The following CNTNAP3B variants were observed in gnomAD, a reference collection of about 807,000 sequenced individuals.
CNTNAP3B encodes the protein contactin associated protein family member 3B.
A neutral mutation model predicts 108.9 loss-of-function variants in CNTNAP3B; 25 were observed. That is an observed-to-expected ratio of 0.23 (90% CI 0.17 to 0.32). The LOEUF is 0.32. Ranked by LOEUF, CNTNAP3B falls within the 10% of genes least tolerant of loss-of-function variation. CNTNAP3B has a pLI of 1.00. For missense variants in CNTNAP3B, 252 were observed against 1,210.4 expected, an observed-to-expected ratio of 0.21 and a Z score of 11.75; for synonymous variants, 103 against 473.4, an observed-to-expected ratio of 0.22 and a Z score of 10.16.
intron 13 of CNTNAP3B, among the ~76,000 whole-genome samples, chr9:41,947,691 T>G (rs1234839541): frequency 1.4e-3 from 213 of 151,892 alleles, no homozygotes; most frequent in Middle Eastern, 6.8e-3. Flanking sequence ...GAAGAGCAGA[T>G]TTCAATAGAA....
rs867248715 is a variant in CNTNAP3B at position 41,984,023 on chromosome 9, C to G, written c.1477+2145G>C. On this transcript the variant is annotated intron_variant, in intron 9 of 23. Transcript: ENST00000377561. ...CCGAGATCGCGCCACTGCACTCCAG[C>G]CTGGGGGACACAGCGAGACTCCGCC... Among the ~76,000 whole-genome samples the G allele has an allele frequency of 9.5e-5, 9 of 94,302 alleles. 2 individuals carry two copies. Among genetic ancestry groups the G allele is most frequent in the South Asian group, 3.2e-4 (1 of 3,092 alleles). 61.9% of individuals were successfully genotyped at this position (94,302 alleles called of 152,430 possible). A position where few individuals can be genotyped will look rare whatever the true frequency, so the allele number is the denominator to read the frequency against.
intron 18 of CNTNAP3B, among the ~76,000 whole-genome samples, chr9:41,914,458 G>A (rs1823476075): frequency 6.6e-6 from 1 of 151,852 alleles, no homozygotes. Context: ...CACATTCTGT[G>A]GATTGTCTTT....
chr9:41,953,952 ATC>A (rs1281387757), intron 12 of CNTNAP3B, among the ~76,000 whole-genome samples: 1 of 149,786 alleles, frequency 6.7e-6, no homozygotes, highest in African/African-American at 2.5e-5. Flanking sequence ...GACCCTGAGC[ATC>A]TGACTGCCTG....
At chr9:41,955,766 T>C (rs1158869253) in intron 12 of CNTNAP3B, among the ~76,000 whole-genome samples, 1 of 152,312 alleles carries the variant, frequency 6.6e-6, no homozygotes, top group Admixed American at 6.5e-5. Context: ...CGTTGATCCC[T>C]GTTCCACTCC....
intron 2 of CNTNAP3B, among the ~76,000 whole-genome samples, chr9:42,103,270 AAAAT>A (rs1421810140): frequency 2.7e-5 from 4 of 148,656 alleles, no homozygotes; most frequent in African/African-American, 1.0e-4. Context: ...AGACTTAAGA[AAAAT>A]AAACAGAAAA....
chr9:42,124,518 A>G (rs1327433976), intron 1 of CNTNAP3B, among the ~76,000 whole-genome samples: 2 of 132,138 alleles, frequency 1.5e-5, no homozygotes, highest in Non-Finnish European at 3.2e-5. Context: ...TATTTTTTCT[A>G]CAGTGACAGA....
At chr9:41,938,805 A>G (rs1469657385) in intron 13 of CNTNAP3B, among the ~76,000 whole-genome samples, 1 of 152,420 alleles carries the variant, frequency 6.6e-6, no homozygotes, top group East Asian at 1.9e-4. Flanking sequence ...ACATTGATTT[A>G]TCTCATCCCA....
At chr9:41,928,514 C>T (rs1372165295) in intron 15 of CNTNAP3B, among the ~76,000 whole-genome samples, 1 of 152,148 alleles carries the variant, frequency 6.6e-6, no homozygotes, top group Non-Finnish European at 1.5e-5. Flanking sequence ...CGATTGGCTA[C>T]AGAAACTGCT....
intron 2 of CNTNAP3B, among the ~76,000 whole-genome samples, chr9:42,095,624 T>C (rs956757949): frequency 7.2e-6 from 1 of 137,936 alleles, no homozygotes; most frequent in Non-Finnish European, 1.5e-5. Flanking sequence ...AAATGTAACT[T>C]CATTTCTCCA....
chr9:41,994,052 T>C (rs1248913594), intron 7 of CNTNAP3B: 1 of 139,112 alleles, frequency 7.2e-6, no homozygotes, highest in Non-Finnish European at 1.5e-5. Context: ...CCATCAGTAA[T>C]TCAGAATAAC....
chr9:41,937,216 C>A (rs1344813514), intron 14 of CNTNAP3B, among the ~76,000 whole-genome samples: 2 of 149,906 alleles, frequency 1.3e-5, no homozygotes, highest in South Asian at 2.1e-4. Flanking sequence ...CAACCTCTAC[C>A]TCCTGGGTTA....
At chr9:41,925,625 C>T (rs1823797318) in intron 15 of CNTNAP3B, among the ~76,000 whole-genome samples, 3 of 152,288 alleles carry the variant, frequency 2.0e-5, no homozygotes, top group African/African-American at 7.2e-5. Context: ...CAAGAAATAG[C>T]TTTTCTCTTG....
chr9:42,109,884 T>C (rs1237488486), intron 1 of CNTNAP3B, among the ~76,000 whole-genome samples: 2 of 136,560 alleles, frequency 1.5e-5, no homozygotes, highest in East Asian at 4.5e-4. Flanking sequence ...ATAAAGGTGA[T>C]GATGAACAGA....
intron 9 of CNTNAP3B, among the ~76,000 whole-genome samples, chr9:41,977,919 C>T (rs565143155): frequency 7.0e-6 from 1 of 142,966 alleles, no homozygotes; most frequent in Admixed American, 7.0e-5. Flanking sequence ...GCGTGAGCCA[C>T]TGTGCCTGGC....
intron 3 of CNTNAP3B, among the ~76,000 whole-genome samples, chr9:42,070,836 C>T (rs1242219363): frequency 1.3e-5 from 2 of 151,976 alleles, no homozygotes; most frequent in Non-Finnish European, 2.9e-5. Context: ...CAAATACACA[C>T]AGGCCATGGG....
At chr9:42,031,200 A>G (rs1193995353) in intron 3 of CNTNAP3B, among the ~76,000 whole-genome samples, 1 of 100,800 alleles carries the variant, frequency 9.9e-6, no homozygotes, top group Non-Finnish European at 2.0e-5. Flanking sequence ...AATCACCTCT[A>G]TAAACTGCCT....
intron 2 of CNTNAP3B, among the ~76,000 whole-genome samples, chr9:42,087,159 T>C: frequency 7.1e-6 from 1 of 141,712 alleles, no homozygotes; most frequent in Non-Finnish European, 1.5e-5. Context: ...ATTAACCTTG[T>C]ATCCTGTTAA....
At chr9:41,954,515 C>T (rs1257894444) in intron 12 of CNTNAP3B, among the ~76,000 whole-genome samples, 1 of 152,270 alleles carries the variant, frequency 6.6e-6, no homozygotes, top group African/African-American at 2.4e-5. Context: ...AAATGAGCCA[C>T]AAGTACAGAA....
At chr9:41,965,183 T>C (rs1825232543) in intron 10 of CNTNAP3B, among the ~76,000 whole-genome samples, 1 of 152,298 alleles carries the variant, frequency 6.6e-6, no homozygotes, top group African/African-American at 2.4e-5. Flanking sequence ...TGGTAATATG[T>C]CAATATGACC....
Sources: gnomAD v4.1 joint callset for allele counts (sites outside exome capture counted in the v4.1 genomes callset) on GRCh38, gnomAD v4.1.1 for gene constraint, MANE v1.5 for transcripts, NCBI Gene and HGNC (gene_info 2026-07-23, HGNC 2026-07-21) for gene names.